The following ABHD18 variants were observed in gnomAD, a reference collection of about 807,000 sequenced individuals.
ABHD18 encodes abhydrolase domain containing 18, also known as cardiolipin-specific deacylase, mitochondrial.
In ABHD18, 55 loss-of-function variants were observed where a neutral mutation model predicts 65.9. The ratio of observed to expected loss-of-function variants is 0.84; its 90% CI spans 0.67 to 1.05. The LOEUF (loss-of-function observed/expected upper bound fraction) is 1.05, where lower values mean the gene tolerates loss of function less well. ABHD18 is among the 50% of genes least tolerant of loss of function. The pLI, the probability that ABHD18 is intolerant of heterozygous loss-of-function variation, is 0.00. For synonymous variants in ABHD18, 181 were observed against 180.2 expected (o/e 1.00, Z -0.04); for missense variants, 533 against 558.5 (o/e 0.95, Z 0.46).
intron 3 of ABHD18, among the ~76,000 whole-genome samples, chr4:127,987,922 G>T (rs1040616010): frequency 3.3e-5 from 5 of 151,914 alleles, no homozygotes; most frequent in African/African-American, 1.2e-4. Context: ...ATTATTTTGA[G>T]AAAATACTTG....
chr4:128,002,173 G>T (rs569760353), intron 4 of ABHD18, among the ~76,000 whole-genome samples: 4 of 152,276 alleles, frequency 2.6e-5, no homozygotes, highest in African/African-American at 9.6e-5. Context: ...TACTCTGCAG[G>T]CTGAGGCAGG....
At chr4:127,987,283 C>T (rs886271822) in intron 3 of ABHD18, among the ~76,000 whole-genome samples, 8 of 151,780 alleles carry the variant, frequency 5.3e-5, no homozygotes, top group African/African-American at 1.5e-4. Flanking sequence ...GCCTGGGAGA[C>T]GGAGGTTGCA....
intron 7 of ABHD18, among the ~76,000 whole-genome samples, chr4:128,011,938 A>G (rs114996737): frequency 0.014 from 2,188 of 151,972 alleles, 63 homozygotes; most frequent in African/African-American, 0.05. Context: ...GACTTAATAT[A>G]TAGTTTAGTT....
chr4:128,035,429 A>G (rs1418462688), intron 12 of ABHD18, among the ~76,000 whole-genome samples: 1 of 152,090 alleles, frequency 6.6e-6, no homozygotes, highest in Non-Finnish European at 1.5e-5. Context: ...AAAAATTAGC[A>G]GGGTGAGGTG....
intron 1 of ABHD18, among the ~76,000 whole-genome samples, chr4:127,967,443 A>G (rs1464853271): frequency 6.6e-6 from 1 of 152,222 alleles, no homozygotes; most frequent in African/African-American, 2.4e-5. Context: ...ATCTTTCCTT[A>G]TATCTCATAA....
chr4:127,965,490 G>C lies in ABHD18; in HGVS notation c.-134G>C. ...TATCTAGCATTTCGGTTCCTGGAAA[G>C]GTTACCGGAGCTGCGATTGGGGCTG... On this transcript the variant is annotated 5_prime_UTR_variant, in exon 1 of 13. Coordinates refer to ENST00000645843, the MANE Select transcript of ABHD18 (RefSeq NM_001358451.3). 2 of 397,480 alleles carry C rather than the reference G, an allele frequency of 5.0e-6. No homozygotes were observed. Among genetic ancestry groups the C allele is most frequent in the Non-Finnish European group, 4.7e-6 (1 of 211,424 alleles). 24.6% of individuals were successfully genotyped at this position (397,480 alleles called of 1,614,324 possible).
chr4:128,012,555 A>G (rs1754752270), intron 7 of ABHD18, among the ~76,000 whole-genome samples: 1 of 152,188 alleles, frequency 6.6e-6, no homozygotes, highest in Non-Finnish European at 1.5e-5. Context: ...GATTTCAGAT[A>G]TTTATCAATG....
intron 7 of ABHD18, among the ~76,000 whole-genome samples, chr4:128,014,850 G>A (rs1274246589): frequency 6.6e-6 from 1 of 152,110 alleles, no homozygotes; most frequent in Non-Finnish European, 1.5e-5. Context: ...GGCCGAGGCA[G>A]GTGGATCACC....
chr4:128,013,937 A>C (rs1442038109), intron 7 of ABHD18, among the ~76,000 whole-genome samples: 1 of 151,900 alleles, frequency 6.6e-6, no homozygotes, highest in Non-Finnish European at 1.5e-5. Flanking sequence ...AAACCTTGTG[A>C]AAAATTAAAG....
intron 9 of ABHD18, 31 bp from the exon 10 acceptor site, chr4:128,021,103 TGTG>T: frequency 3.0e-6 from 4 of 1,329,764 alleles, no homozygotes; most frequent in Non-Finnish European, 4.2e-6. Context: ...TGCCTTATGA[TGTG>T]GTTTGATCTT....
intron 3 of ABHD18, among the ~76,000 whole-genome samples, chr4:127,989,068 A>T (rs1320503684): frequency 6.6e-6 from 1 of 152,246 alleles, no homozygotes; most frequent in Non-Finnish European, 1.5e-5. Flanking sequence ...ATGTACAAAT[A>T]TGCAGTGAAA....
rs2276898 is a variant in ABHD18 at position 127,965,630 on chromosome 4, A to G, written c.-18+24A>G. 6,573 of 216,210 alleles carry G rather than the reference A, an allele frequency of 0.03. 462 individuals carry two copies. The highest frequency in any genetic ancestry group is 0.28 in the East Asian group (2,217 of 8,020). The allele number at this position is 216,210 out of a possible 1,614,324, so 13.4% of individuals were successfully genotyped here. ...CAGTAAGTAGCCGGTCCGGTTAAGT[A>G]GTAGGTGCGCTAAGAGCTCCCCGCG... On this transcript the variant is annotated intron_variant, in intron 1 of 12. Transcript: ENST00000645843.
chr4:128,017,338 T>A (rs771464402), intron 7 of ABHD18, 25 bp from the exon 8 acceptor site: 1 of 1,603,556 alleles, frequency 6.2e-7, no homozygotes. Context: ...AAATAATCAT[T>A]TTCTATTTTG....
chr4:128,011,875 T>G (rs1388747664), intron 7 of ABHD18, among the ~76,000 whole-genome samples, 175 bp downstream of exon 7: 1 of 152,140 alleles, frequency 6.6e-6, no homozygotes, highest in East Asian at 1.9e-4. Context: ...ATTTTTAAGA[T>G]TTTTGCATTT....
Position 127,985,543 on chromosome 4 carries a change from A to G in ABHD18, c.177+1120A>G, listed in dbSNP as rs372708593. Among the ~76,000 whole-genome samples the G allele has an allele frequency of 1.2e-4, 18 of 152,208 alleles. No homozygotes were observed. In the South Asian group the frequency reaches 1.5e-3, roughly 12 times the overall value. ...CCCTCAAATTTTGCTAAATATTTTT[A>G]TCTTCTTTATTTTTTTCTATTAAAA... is the stretch of plus-strand genomic sequence containing the variant. On this transcript the variant is annotated intron_variant, in intron 3 of 12. Transcript: ENST00000645843.
In ABHD18 at chr4:128,032,434, C is replaced by G. The variant is rs563840183; in HGVS notation, c.1343+1762C>G. ...AGGTGCGGTGGCTCACATCTGTAAT[C>G]CCAGCACTTCAGGAGGCCAAGGCGG... is the stretch of plus-strand genomic sequence containing the variant. On this transcript the variant is annotated intron_variant, in intron 12 of 12. Transcript: ENST00000645843. Among the ~76,000 whole-genome samples the G allele has an allele frequency of 4.6e-5, 7 of 152,328 alleles. No individual in the cohort carries two copies. The South Asian group carries it at 1.5e-3, about 32-fold the overall frequency.
chr4:128,010,050 A>G (rs1230790079), intron 6 of ABHD18, among the ~76,000 whole-genome samples: 1 of 152,194 alleles, frequency 6.6e-6, no homozygotes, highest in Non-Finnish European at 1.5e-5. Flanking sequence ...GACCTTGGAC[A>G]TGTTACATAA....
At chr4:128,003,959 A>AC (rs1394875133) in intron 4 of ABHD18, among the ~76,000 whole-genome samples, 1 of 150,668 alleles carries the variant, frequency 6.6e-6, no homozygotes, top group South Asian at 2.1e-4. Flanking sequence ...AAAAAAAAAA[A>AC]AAACAAAAAA....
intron 1 of ABHD18, among the ~76,000 whole-genome samples, chr4:127,981,206 T>A (rs1214841632): frequency 6.6e-6 from 1 of 152,320 alleles, no homozygotes; most frequent in Non-Finnish European, 1.5e-5. Context: ...TTTGTCAGGG[T>A]ATTAAATGTA....
Sources: allele counts gnomAD v4.1 joint callset (sites outside exome capture counted in the v4.1 genomes callset), GRCh38; gene constraint gnomAD v4.1.1; transcripts MANE v1.5; gene names NCBI Gene and HGNC (gene_info 2026-07-23, HGNC 2026-07-21).